DYTN: variants seen among roughly 807,000 people sequenced by gnomAD.
DYTN encodes dystrotelin.
A neutral mutation model predicts 69.6 loss-of-function variants in DYTN; 75 were observed. That is an observed-to-expected ratio of 1.08 (90% confidence interval 0.89 to 1.31). The LOEUF (loss-of-function observed/expected upper bound fraction) is 1.31, where lower values mean the gene tolerates loss of function less well. Ranked by LOEUF, DYTN falls within the 50% of genes most tolerant of loss-of-function variation. DYTN has a pLI of 0.00. For synonymous variants in DYTN, 252 were observed against 249.1 expected, an observed-to-expected ratio of 1.01 and a Z score of -0.11; for missense variants, 726 against 688.4, an observed-to-expected ratio of 1.05 and a Z score of -0.61.
chr2:206,709,551 C>G (rs749244222), intron 2 of DYTN, among the ~76,000 whole-genome samples: 1 of 152,032 alleles, frequency 6.6e-6, no homozygotes, highest in Non-Finnish European at 1.5e-5. Context: ...GTCTTTGAAT[C>G]GTCCCACCTT....
chr2:206,665,711 G>A (rs1699562840), intron 10 of DYTN, among the ~76,000 whole-genome samples, 159 bp downstream of exon 10: 1 of 152,148 alleles, frequency 6.6e-6, no homozygotes, highest in African/African-American at 2.4e-5. Context: ...TGGAGGGATA[G>A]GATATAGCCT....
intron 11 of DYTN, 103 bp downstream of exon 11, chr2:206,662,800 T>A: frequency 6.7e-7 from 1 of 1,489,442 alleles, no homozygotes. Flanking sequence ...CACTGCTACA[T>A]ACTAGATGAA....
chr2:206,654,147 T>C (rs915918280), intron 11 of DYTN, among the ~76,000 whole-genome samples: 1 of 152,214 alleles, frequency 6.6e-6, no homozygotes, highest in Admixed American at 6.5e-5. Flanking sequence ...ATGCTGGAAA[T>C]ATATCTTTTC....
At chr2:206,659,519 G>C (rs962488546) in intron 11 of DYTN, among the ~76,000 whole-genome samples, 1 of 144,860 alleles carries the variant, frequency 6.9e-6, no homozygotes, top group African/African-American at 2.6e-5. Flanking sequence ...AAACTGGATC[G>C]GTAGGGTGAT....
rs772861150 is a variant in DYTN, at chr2:206,659,484, C to CAAAAAAAAA, written c.1633+3410_1633+3418dup. On this transcript the variant is annotated intron_variant, in intron 11 of 11. Coordinates refer to ENST00000452335, the MANE Select transcript of DYTN (RefSeq NM_001093730.1). ...CCACCACGCCGGGCCCAACAATTCT[C>CAAAAAAAAA]AAAAAAAAAAAAAAAAAAAAAAAAA... Among the ~76,000 whole-genome samples the CAAAAAAAAA allele has an allele frequency of 5.9e-4, 38 of 64,576 alleles. 1 individual carries two copies. Among genetic ancestry groups the CAAAAAAAAA allele is most frequent in the African/African-American group, 2.1e-3 (37 of 17,628 alleles). 42.4% of individuals were successfully genotyped at this position (64,576 alleles called of 152,430 possible).
In DYTN at chr2:206,710,541, A is replaced by C. The variant is rs748385493; in HGVS notation, c.77T>G (p.Val26Gly). Residue 26 changes from valine (V) to glycine (G), a missense_variant, in exon 2 of 12, where the codon GTG becomes GGG. Transcript: ENST00000452335. ...IYRTAFKLQS[V>G]QTLCQLDLID... is the part of the protein sequence containing the mutation. Reference sequence around the variant, plus strand: ...ATACTTACACTGGCACAGAGTTTGCACTGATTGTAATTTGAAGGCTGTTCT... The same window carrying C: ...ATACTTACACTGGCACAGAGTTTGCCCTGATTGTAATTTGAAGGCTGTTCT... The C allele has an allele frequency of 1.2e-6, 2 of 1,612,378 alleles. No individual in the cohort carries two copies. The highest frequency in any genetic ancestry group is 1.1e-5 in the South Asian group (1 of 90,556).
rs186849357 is a variant in DYTN at position 206,689,619 on chromosome 2, G to A, written c.980+3556C>T. Among the ~76,000 whole-genome samples the A allele has an allele frequency of 3.1e-3, 477 of 152,280 alleles. 12 individuals are homozygous for A. Among genetic ancestry groups the A allele is most frequent in the Non-Finnish European group, 6.3e-4 (43 of 68,018 alleles). On this transcript the variant is annotated intron_variant, in intron 9 of 11. Coordinates refer to ENST00000452335, the MANE Select transcript of DYTN (RefSeq NM_001093730.1). ...CACCTCCAGAAATACTACTCTGGGA[G>A]TAGAGAGGAGAGGTTATCCCAATTA...
chr2:206,698,591 T>C (rs539451982), intron 7 of DYTN, among the ~76,000 whole-genome samples: 2 of 152,218 alleles, frequency 1.3e-5, no homozygotes. Flanking sequence ...GCTTCTTCCA[T>C]GCCTGGCCTA....
chr2:206,689,729 T>C (rs1322083343), intron 9 of DYTN, among the ~76,000 whole-genome samples: 1 of 152,212 alleles, frequency 6.6e-6, no homozygotes, highest in Non-Finnish European at 1.5e-5. Context: ...AGCTTCTGTC[T>C]CTGTTCCAGA....
At chr2:206,693,800 T>C (rs1208306980) in intron 8 of DYTN, among the ~76,000 whole-genome samples, 1 of 152,230 alleles carries the variant, frequency 6.6e-6, no homozygotes, top group Admixed American at 6.5e-5. Flanking sequence ...AGGAATGAGA[T>C]GTCTCATTTC....
chr2:206,698,280 C>T (rs763705415), intron 7 of DYTN, among the ~76,000 whole-genome samples: 1 of 152,128 alleles, frequency 6.6e-6, no homozygotes, highest in Non-Finnish European at 1.5e-5. Flanking sequence ...TCACTGTGTC[C>T]TGCAAATTCT....
intron 9 of DYTN, among the ~76,000 whole-genome samples, chr2:206,667,458 A>G (rs1699585708): frequency 6.6e-6 from 1 of 152,074 alleles, no homozygotes; most frequent in Non-Finnish European, 1.5e-5. Context: ...ACTTGAATAC[A>G]AAAATGACAA....
chr2:206,658,950 A>G (rs1302385381), intron 11 of DYTN, among the ~76,000 whole-genome samples: 3 of 151,632 alleles, frequency 2.0e-5, no homozygotes, highest in African/African-American at 4.9e-5. Flanking sequence ...TCAAATGGAA[A>G]AAAATAGTTG....
chr2:206,673,547 C>T (rs1031038615), intron 9 of DYTN, among the ~76,000 whole-genome samples: 3 of 152,128 alleles, frequency 2.0e-5, no homozygotes, highest in Admixed American at 6.6e-5. Flanking sequence ...TGAGCCACCA[C>T]GCCTGGCCGG....
At position 206,704,929 on chromosome 2, in the gene DYTN, A is replaced by C. The variant is rs2105900728; in HGVS notation, c.397T>G (p.Tyr133Asp). Residue 133 changes from tyrosine (Y) to aspartate (D), a missense_variant, in exon 5 of 12, where the codon TAT (tyrosine) becomes GAT (aspartate). Physicochemically the swap from Tyr to Asp is radical, Grantham distance 160. Coordinates refer to ENST00000452335, the MANE Select transcript of DYTN (RefSeq NM_001093730.1). ...LSKYRALFQL[Y>D]AENSRGGYDS... ...TAGCCTCCCCTGCTATTTTCTGCAT[A>C]GAGTTGAAAAAGAGCTAGACATGTA... 6.2e-7 allele frequency: 1 copy of C among 1,613,608 alleles called. No homozygotes were observed. Among genetic ancestry groups the C allele is most frequent in the East Asian group, 2.2e-5 (1 of 44,840 alleles).
intron 11 of DYTN, among the ~76,000 whole-genome samples, chr2:206,661,710 G>A (rs76091423): frequency 0.032 from 4,802 of 152,234 alleles, 106 homozygotes; most frequent in Middle Eastern, 0.062. Context: ...TGCAAAGTGT[G>A]TGTTAATCAA....
rs772693044 is a variant in DYTN, at chr2:206,694,775, G to T, written c.822C>A (p.His274Gln). ...TGACATTAAATGTTACCTGAATGCA[G>T]TGCTCAATGACAGGATGAGACTTCT... Reference protein sequence around the residue: ...SHQKSHPVIEHCIQMSAMQNT... With the variant: ...SHQKSHPVIEQCIQMSAMQNT... Residue 274 changes from histidine (H) to glutamine (Q), a missense_variant, in exon 8 of 12, where the codon CAC becomes CAA. Coordinates refer to ENST00000452335, the MANE Select transcript of DYTN (RefSeq NM_001093730.1). 2.5e-6 allele frequency: 4 copies of T among 1,605,578 alleles called. No individual in the cohort carries two copies. The African/African-American group carries it at 5.4e-5, about 22-fold the overall frequency.
rs184822453 is a variant in DYTN, at chr2:206,683,264, C to T, written c.980+9911G>A. 4.6e-5 allele frequency among the ~76,000 whole-genome samples: 7 copies of T among 152,114 alleles called. No individual in the cohort carries two copies. The East Asian group carries it at 1.3e-3, about 29-fold the overall frequency. On this transcript the variant is annotated intron_variant, in intron 9 of 11. Coordinates refer to ENST00000452335, the MANE Select transcript of DYTN (RefSeq NM_001093730.1). ...TCTACTAACAATCCTCCAATGTTTC[C>T]CCAGAGTAAAAGCCCAGGTCCTTAC...
chr2:206,681,725 C>T (rs534661834), intron 9 of DYTN, among the ~76,000 whole-genome samples: 1 of 152,120 alleles, frequency 6.6e-6, no homozygotes, highest in Admixed American at 6.5e-5. Flanking sequence ...AGGGATGAAA[C>T]CAACTTGATT....
Sources: allele counts gnomAD v4.1 joint callset (sites outside exome capture counted in the v4.1 genomes callset), GRCh38; gene constraint gnomAD v4.1.1; transcripts MANE v1.5; gene names NCBI Gene and HGNC (gene_info 2026-07-23, HGNC 2026-07-21).